The following KCND3 variants were observed in gnomAD, a reference collection of about 807,000 sequenced individuals.
The protein encoded by KCND3 is A-type voltage-gated potassium channel KCND3.
In KCND3, 9 loss-of-function variants were observed where a neutral mutation model predicts 51.1. The ratio of observed to expected loss-of-function variants is 0.18; its 90% CI spans 0.11 to 0.31. The LOEUF is 0.31. Among genes scored for constraint, KCND3 ranks in the 10% least tolerant of loss-of-function variants. KCND3 has a pLI of 1.00. For missense variants in KCND3, 526 were observed against 903.8 expected, an observed-to-expected ratio of 0.58 and a Z score of 5.36; for synonymous variants, 349 against 368.0, an observed-to-expected ratio of 0.95 and a Z score of 0.59.
At chr1:111,836,168 T>A (rs571051926) in intron 2 of KCND3, among the ~76,000 whole-genome samples, 1 of 152,326 alleles carries the variant, frequency 6.6e-6, no homozygotes, top group African/African-American at 2.4e-5. Flanking sequence ...CTTTTGGTCA[T>A]CTGAGGTTTG....
chr1:111,907,680 AT>A (rs1286057348), intron 2 of KCND3, among the ~76,000 whole-genome samples: 1 of 152,240 alleles, frequency 6.6e-6, no homozygotes, highest in Non-Finnish European at 1.5e-5. Context: ...GAATTTTGTT[AT>A]ATAGCAATAG....
intron 2 of KCND3, among the ~76,000 whole-genome samples, chr1:111,847,436 CTTCAACCAT>C (rs1310759281): frequency 6.6e-6 from 1 of 152,188 alleles, no homozygotes; most frequent in Non-Finnish European, 1.5e-5. Flanking sequence ...AATAAACTTC[CTTCAACCAT>C]TTCCATGTTA....
intron 2 of KCND3, among the ~76,000 whole-genome samples, chr1:111,807,314 C>T (rs1371821533): frequency 6.6e-6 from 1 of 152,220 alleles, no homozygotes; most frequent in Non-Finnish European, 1.5e-5. Context: ...TGTACCTTTT[C>T]TATGTTTAGA....
At chr1:111,896,377 C>CACATGATTA (rs1670115793) in intron 2 of KCND3, among the ~76,000 whole-genome samples, 1 of 152,144 alleles carries the variant, frequency 6.6e-6, no homozygotes, top group Non-Finnish European at 1.5e-5. Flanking sequence ...TTTTTAATAC[C>CACATGATTA]ATTTGATTAA....
intron 2 of KCND3, among the ~76,000 whole-genome samples, chr1:111,854,939 C>T (rs1007681286): frequency 6.6e-6 from 1 of 152,154 alleles, no homozygotes; most frequent in Non-Finnish European, 1.5e-5. Context: ...TGGAGAATCT[C>T]ACTCACATTT....
At chr1:111,884,016 T>C (rs1486245928) in intron 2 of KCND3, among the ~76,000 whole-genome samples, 2 of 152,248 alleles carry the variant, frequency 1.3e-5, no homozygotes, top group African/African-American at 4.8e-5. Context: ...GTTCATGCTT[T>C]TCCCATTACA....
chr1:111,984,081 A>G (rs1675125765), intron 1 of KCND3, among the ~76,000 whole-genome samples: 1 of 152,174 alleles, frequency 6.6e-6, no homozygotes, highest in Non-Finnish European at 1.5e-5. Flanking sequence ...AACAAATCCT[A>G]ACTTGGAATT....
chr1:111,896,903 T>C (rs1016799845), intron 2 of KCND3, among the ~76,000 whole-genome samples: 23 of 152,146 alleles, frequency 1.5e-4, no homozygotes, highest in African/African-American at 5.6e-4. Flanking sequence ...GTTACAGGGG[T>C]TACACACATA....
intron 2 of KCND3, among the ~76,000 whole-genome samples, chr1:111,936,851 G>C (rs770559739): frequency 6.6e-6 from 1 of 152,208 alleles, no homozygotes; most frequent in Non-Finnish European, 1.5e-5. Flanking sequence ...TCTGTTCACT[G>C]CATCTCCAGT....
intron 1 of KCND3, among the ~76,000 whole-genome samples, chr1:111,985,656 C>G (rs528551931): frequency 6.6e-6 from 1 of 152,218 alleles, no homozygotes; most frequent in Non-Finnish European, 1.5e-5. Context: ...AGAGTAAAAT[C>G]TGAAGACAGA....
At chr1:111,816,168 G>T (rs1282791007) in intron 2 of KCND3, among the ~76,000 whole-genome samples, 1 of 152,262 alleles carries the variant, frequency 6.6e-6, no homozygotes, top group Non-Finnish European at 1.5e-5. Flanking sequence ...AAGCTCGGCC[G>T]GGTGTGGCCA....
At chr1:111,956,560 G>T (rs943232822) in intron 2 of KCND3, among the ~76,000 whole-genome samples, 2 of 152,164 alleles carry the variant, frequency 1.3e-5, no homozygotes, top group South Asian at 2.1e-4. Context: ...CCGGGCCTGG[G>T]CTCTCGAGTC....
chr1:111,873,633 G>C (rs543635207), intron 2 of KCND3, among the ~76,000 whole-genome samples: 1 of 152,066 alleles, frequency 6.6e-6, no homozygotes, highest in Non-Finnish European at 1.5e-5. Context: ...CCAGGGCCCC[G>C]ATCAGGCATT....
At chr1:111,870,216 C>A (rs1668770238) in intron 2 of KCND3, among the ~76,000 whole-genome samples, 1 of 152,200 alleles carries the variant, frequency 6.6e-6, no homozygotes, top group African/African-American at 2.4e-5. Flanking sequence ...AATGATGGTG[C>A]CAGTTACTTG....
chr1:111,787,639 G>A (rs750015739), intron 2 of KCND3, among the ~76,000 whole-genome samples: 4 of 152,190 alleles, frequency 2.6e-5, no homozygotes, highest in Non-Finnish European at 4.4e-5. Flanking sequence ...ATCATGCAGC[G>A]TCTGACGGGC....
At chr1:111,841,640 T>C (rs1223144092) in intron 2 of KCND3, among the ~76,000 whole-genome samples, 1 of 152,234 alleles carries the variant, frequency 6.6e-6, no homozygotes, top group Non-Finnish European at 1.5e-5. Context: ...TTGGGGTTGA[T>C]GTGAAGAGTA....
intron 2 of KCND3, among the ~76,000 whole-genome samples, chr1:111,855,956 C>G (rs1042128714): frequency 2.0e-5 from 3 of 152,190 alleles, no homozygotes; most frequent in South Asian, 2.1e-4. Flanking sequence ...GGGGCAGAGC[C>G]AGTCCCAGAT....
intron 2 of KCND3, among the ~76,000 whole-genome samples, chr1:111,874,883 G>A (rs371515846): frequency 8.5e-5 from 13 of 152,228 alleles, no homozygotes; most frequent in Admixed American, 3.9e-4. Flanking sequence ...CAAACATCTC[G>A]CTCCAGGCTA....
At chr1:111,878,648 C>T (rs1294384785) in intron 2 of KCND3, among the ~76,000 whole-genome samples, 8 of 152,236 alleles carry the variant, frequency 5.3e-5, no homozygotes, top group Non-Finnish European at 1.0e-4. Flanking sequence ...AGGGAAAGGG[C>T]GACCTCATTA....
Sources: allele counts gnomAD v4.1 joint callset (sites outside exome capture counted in the v4.1 genomes callset), GRCh38; gene constraint gnomAD v4.1.1; transcripts MANE v1.5; gene names NCBI Gene and HGNC (gene_info 2026-07-23, HGNC 2026-07-21).